Variants in PCDH9 observed in about 807,000 individuals in gnomAD.
PCDH9 encodes protocadherin 9.
PCDH9 carries 24 observed loss-of-function variants against 70.6 expected under a neutral mutation model. The ratio of observed to expected loss-of-function variants is 0.34; its 90% CI spans 0.25 to 0.48. The LOEUF (loss-of-function observed/expected upper bound fraction) is 0.48. Among genes scored for constraint, PCDH9 ranks in the 20% least tolerant of loss-of-function variants. PCDH9 has a pLI of 0.99. For missense variants in PCDH9, 1,281 were observed against 1,503.6 expected, an observed-to-expected ratio of 0.85 and a Z score of 2.45; for synonymous variants, 562 against 558.5, an observed-to-expected ratio of 1.01 and a Z score of -0.09.
chr13:66,438,159 G>C (rs1046471593), intron 4 of PCDH9, among the ~76,000 whole-genome samples: 1 of 151,644 alleles, frequency 6.6e-6, no homozygotes, highest in African/African-American at 2.4e-5. Context: ...GTTTGAAACC[G>C]GGAGGTAGAG....
chr13:66,439,863 C>A (rs1415116805), intron 4 of PCDH9, among the ~76,000 whole-genome samples: 1 of 152,124 alleles, frequency 6.6e-6, no homozygotes, highest in African/African-American at 2.4e-5. Context: ...TGCCACAGCA[C>A]CTTTCTGTTA....
intron 4 of PCDH9, among the ~76,000 whole-genome samples, chr13:66,612,973 T>TG (rs1308527180): frequency 1.3e-5 from 2 of 152,128 alleles, no homozygotes; most frequent in Non-Finnish European, 2.9e-5. Context: ...GCATGCAAAG[T>TG]GGGGGCTCAA....
intron 2 of PCDH9, among the ~76,000 whole-genome samples, chr13:66,917,270 T>C (rs1437903078): frequency 6.6e-6 from 1 of 151,524 alleles, no homozygotes; most frequent in Non-Finnish European, 1.5e-5. Context: ...TTTGAGAATA[T>C]GTTGCTTGTA....
intron 3 of PCDH9, among the ~76,000 whole-genome samples, chr13:66,660,952 A>T (rs561245024): frequency 3.3e-5 from 5 of 152,260 alleles, no homozygotes; most frequent in African/African-American, 1.2e-4. Flanking sequence ...TTAGTAGTAC[A>T]TTATAAATAT....
chr13:67,164,648 A>G (rs2088059810), intron 2 of PCDH9, among the ~76,000 whole-genome samples: 1 of 151,376 alleles, frequency 6.6e-6, no homozygotes, highest in Non-Finnish European at 1.5e-5. Context: ...GCTGTTGCAA[A>G]CTCTCCCTAC....
In PCDH9 at chr13:66,471,088, G is replaced by A. The variant is rs569809810; in HGVS notation, c.3340+160122C>T. 2.6e-5 allele frequency among the ~76,000 whole-genome samples: 4 copies of A among 152,028 alleles called. No individual in the cohort carries two copies. The East Asian group carries it at 7.7e-4, about 29-fold the overall frequency. On this transcript the variant is annotated intron_variant, in intron 4 of 4. Coordinates refer to ENST00000377865, the MANE Select transcript of PCDH9 (RefSeq NM_203487.3). Reference sequence around the variant, plus strand: ...AAATGATTCCTTATCGTGTAAGCCAGATCACCAAAGAACGCTTGCCTAGAG... The same window carrying A: ...AAATGATTCCTTATCGTGTAAGCCAAATCACCAAAGAACGCTTGCCTAGAG...
At chr13:66,625,186 A>G (rs1023231774) in intron 4 of PCDH9, among the ~76,000 whole-genome samples, 1 of 152,184 alleles carries the variant, frequency 6.6e-6, no homozygotes, top group Non-Finnish European at 1.5e-5. Context: ...CTAACAAACA[A>G]TAATTTTAAA....
chr13:66,339,915 G>T (rs1956098206), intron 4 of PCDH9, among the ~76,000 whole-genome samples: 1 of 151,956 alleles, frequency 6.6e-6, no homozygotes, highest in South Asian at 2.1e-4. Flanking sequence ...CATAATTTTG[G>T]TTCTCTTTGA....
intron 4 of PCDH9, among the ~76,000 whole-genome samples, chr13:66,327,059 C>T (rs995203386): frequency 1.3e-5 from 2 of 151,926 alleles, no homozygotes; most frequent in African/African-American, 4.8e-5. Flanking sequence ...ATACAATTAT[C>T]TTTCCAAAGT....
chr13:66,568,499 T>C (rs1427563011), intron 4 of PCDH9, among the ~76,000 whole-genome samples: 1 of 132,980 alleles, frequency 7.5e-6, no homozygotes, highest in Non-Finnish European at 1.6e-5. Context: ...CTAAGCAACA[T>C]AGTGAGACTT....
intron 4 of PCDH9, among the ~76,000 whole-genome samples, chr13:66,422,513 G>A (rs894008021): frequency 1.2e-4 from 18 of 152,118 alleles, no homozygotes; most frequent in African/African-American, 2.4e-5. Context: ...ATTAAAAACT[G>A]CACAACTACA....
intron 2 of PCDH9, among the ~76,000 whole-genome samples, chr13:67,170,307 C>A (rs1042187532): frequency 1.3e-5 from 2 of 152,086 alleles, no homozygotes; most frequent in Non-Finnish European, 2.9e-5. Flanking sequence ...TAGATAACAC[C>A]TGTTTGCTTG....
At chr13:66,482,594 C>T (rs139284016) in intron 4 of PCDH9, among the ~76,000 whole-genome samples, 332 of 152,296 alleles carry the variant, frequency 2.2e-3, no homozygotes, top group African/African-American at 7.7e-3. Flanking sequence ...CAAATACAGT[C>T]AGTGTCTGAA....
intron 2 of PCDH9, among the ~76,000 whole-genome samples, chr13:67,016,895 A>C (rs1237543466): frequency 6.6e-6 from 1 of 152,164 alleles, no homozygotes; most frequent in Non-Finnish European, 1.5e-5. Flanking sequence ...TTTTTCAATA[A>C]TAGCACCTAC....
chr13:66,500,417 A>G (rs960793980), intron 4 of PCDH9, among the ~76,000 whole-genome samples: 1 of 152,184 alleles, frequency 6.6e-6, no homozygotes, highest in South Asian at 2.1e-4. Flanking sequence ...GGGACATAAT[A>G]TCAAGGAATT....
intron 3 of PCDH9, among the ~76,000 whole-genome samples, chr13:66,871,534 T>C (rs2081686118): frequency 6.6e-6 from 1 of 152,072 alleles, no homozygotes; most frequent in Admixed American, 6.6e-5. Flanking sequence ...ATCATGATGG[T>C]CTACCGTAGT....
At chr13:66,657,226 C>G (rs776940226) in intron 3 of PCDH9, among the ~76,000 whole-genome samples, 1 of 152,158 alleles carries the variant, frequency 6.6e-6, no homozygotes, top group Non-Finnish European at 1.5e-5. Context: ...CCTGTGTGTG[C>G]CATCACTTTA....
chr13:67,006,562 G>A (rs2139832042), intron 2 of PCDH9, among the ~76,000 whole-genome samples: 1 of 152,260 alleles, frequency 6.6e-6, no homozygotes, highest in East Asian at 1.9e-4. Flanking sequence ...ACAGGTCCTT[G>A]GACCATAACT....
intron 3 of PCDH9, among the ~76,000 whole-genome samples, chr13:66,636,164 A>G (rs892763040): frequency 6.6e-6 from 1 of 152,140 alleles, no homozygotes; most frequent in African/African-American, 2.4e-5. Context: ...TGTGATTATG[A>G]TATTCAAAAA....
Sources: allele counts gnomAD v4.1 joint callset (sites outside exome capture counted in the v4.1 genomes callset), GRCh38; gene constraint gnomAD v4.1.1; transcripts MANE v1.5; gene names NCBI Gene and HGNC (gene_info 2026-07-23, HGNC 2026-07-21).